The following FBXO34 variants were observed in gnomAD, a reference collection of about 807,000 sequenced individuals.
FBXO34 encodes F-box protein 34.
A neutral mutation model predicts 24.5 loss-of-function variants in FBXO34; 12 were observed. That is an observed-to-expected ratio of 0.49 (90% CI 0.31 to 0.79). The LOEUF (loss-of-function observed/expected upper bound fraction) is 0.79, where lower values mean the gene tolerates loss of function less well. FBXO34 is among the 30% of genes least tolerant of loss of function. The pLI is 0.04. For synonymous variants in FBXO34, 320 were observed against 311.9 expected (o/e 1.03, Z -0.27); for missense variants, 823 against 857.7 (o/e 0.96, Z 0.51).
At chr14:55,409,631 C>T in the FBXO34 span, among the ~76,000 whole-genome samples, 2 of 151,808 alleles carry the variant, frequency 1.3e-5, no homozygotes, top group South Asian at 4.1e-4. Context: ...CTAAATACCA[C>T]TGCGAAGGTC....
the FBXO34 span, among the ~76,000 whole-genome samples, chr14:55,382,599 C>T: frequency 1.3e-5 from 2 of 152,174 alleles, no homozygotes; most frequent in African/African-American, 4.8e-5. Context: ...TCATGAGCTA[C>T]CGTGACCAGC....
rs201760112 is a variant in FBXO34 at position 55,331,739 on chromosome 14, ATGTGTG to A, written c.-10-18640_-10-18635del. ...TATGTATATATATATGTATATATATATGTGTGTATATATATATATATGTATATATAT... is the reference window on the plus strand; with the variant it reads ...TATGTATATATATATGTATATATATATATATATATATATATGTATATATAT... On this transcript the variant is annotated intron_variant, in intron 1 of 1. Coordinates refer to ENST00000313833, the MANE Select transcript of FBXO34 (RefSeq NM_017943.4). Among the ~76,000 whole-genome samples the A allele has an allele frequency of 9.1e-5, 4 of 44,096 alleles. 1 individual carries two copies. The African/African-American group carries it at 9.4e-4, about 10-fold the overall frequency. The allele number at this position is 44,096 out of a possible 152,430, so 28.9% of individuals were successfully genotyped here. A position where few individuals can be genotyped will look rare whatever the true frequency, so the allele number is the denominator to read the frequency against.
At chr14:55,397,471 C>A in the FBXO34 span, 3 of 1,528,928 alleles carry the variant, frequency 2.0e-6, no homozygotes, top group South Asian at 2.3e-5. Flanking sequence ...TTTAAATGGT[C>A]ATTTTTTCAG....
chr14:55,428,718 T>A, the FBXO34 span: 5 of 1,350,058 alleles, frequency 3.7e-6, no homozygotes, highest in African/African-American at 2.9e-5. Flanking sequence ...TTAATCACAA[T>A]TTCTCTGAAA....
downstream of FBXO34, chr14:55,368,350 G>A (rs1884731800): frequency 6.6e-6 from 1 of 152,406 alleles, no homozygotes; most frequent in Admixed American, 6.5e-5. Flanking sequence ...CTCCCGAGTA[G>A]CTGGGATTAC....
intron 1 of FBXO34, chr14:55,282,414 T>C (rs1453098597): frequency 1.3e-5 from 4 of 317,578 alleles, no homozygotes; most frequent in Non-Finnish European, 2.6e-5. Context: ...TGGACCACGA[T>C]AGGCCCTGCT....
At chr14:55,417,225 C>T in the FBXO34 span, among the ~76,000 whole-genome samples, 10 of 152,070 alleles carry the variant, frequency 6.6e-5, no homozygotes, top group Non-Finnish European at 2.9e-5. Context: ...TGCGTGTAAC[C>T]GGTGTTCCTT....
the FBXO34 span, among the ~76,000 whole-genome samples, chr14:55,437,816 T>C: frequency 1.9e-3 from 292 of 152,378 alleles, 2 homozygotes; most frequent in African/African-American, 6.8e-3. Context: ...TAAAGACCCA[T>C]GGTTATTCCT....
chr14:55,288,106 C>T (rs1425912568), intron 1 of FBXO34, among the ~76,000 whole-genome samples: 1 of 152,034 alleles, frequency 6.6e-6, no homozygotes, highest in Admixed American at 6.6e-5. Flanking sequence ...AATGATGTCT[C>T]CTTTGTGGGT....
chr14:55,294,726 A>G (rs1362946475), intron 1 of FBXO34, among the ~76,000 whole-genome samples: 2 of 152,216 alleles, frequency 1.3e-5, no homozygotes, highest in African/African-American at 4.8e-5. Flanking sequence ...GGGCAAACAC[A>G]GCTGTGCTAA....
At chr14:55,291,061 A>G (rs1176481566) in intron 1 of FBXO34, among the ~76,000 whole-genome samples, 1 of 151,996 alleles carries the variant, frequency 6.6e-6, no homozygotes, top group Non-Finnish European at 1.5e-5. Flanking sequence ...TCCTGACCTT[A>G]AGTGATCCTC....
chr14:55,300,795 C>G (rs567184588), intron 1 of FBXO34, among the ~76,000 whole-genome samples: 1 of 152,268 alleles, frequency 6.6e-6, no homozygotes, highest in East Asian at 1.9e-4. Flanking sequence ...AATGAAATGT[C>G]GGTCATTTTC....
At chr14:55,314,573 A>G (rs981845351) in intron 1 of FBXO34, among the ~76,000 whole-genome samples, 1 of 152,222 alleles carries the variant, frequency 6.6e-6, no homozygotes, top group Admixed American at 6.5e-5. Context: ...TAAGGGAGTT[A>G]CAGATGATTT....
the FBXO34 span, among the ~76,000 whole-genome samples, chr14:55,405,537 A>G: frequency 6.6e-6 from 1 of 152,222 alleles, no homozygotes; most frequent in African/African-American, 2.4e-5. Flanking sequence ...CTAAACCAGC[A>G]GATACATTTC....
At chr14:55,379,816 G>C in the FBXO34 span, among the ~76,000 whole-genome samples, 1 of 152,156 alleles carries the variant, frequency 6.6e-6, no homozygotes, top group Admixed American at 6.5e-5. Context: ...TCCAGCTCCC[G>C]GATTCAAGCG....
chr14:55,410,989 C>T, the FBXO34 span, among the ~76,000 whole-genome samples: 4 of 152,306 alleles, frequency 2.6e-5, no homozygotes, highest in African/African-American at 7.2e-5. Context: ...AAGCATGCAG[C>T]TCCCAATCTG....
intron 1 of FBXO34, among the ~76,000 whole-genome samples, chr14:55,322,956 G>A (rs1345808631): frequency 1.4e-5 from 2 of 144,512 alleles, no homozygotes; most frequent in Admixed American, 6.9e-5. Context: ...GGCGGATCAC[G>A]AGGTCAGGAG....
the FBXO34 span, among the ~76,000 whole-genome samples, chr14:55,432,455 C>A: frequency 1.3e-4 from 16 of 126,386 alleles, no homozygotes; most frequent in Non-Finnish European, 2.5e-4. Flanking sequence ...AAAAAAAACA[C>A]CATAAAATAC....
chr14:55,375,223 A>G, the FBXO34 span, among the ~76,000 whole-genome samples: 2 of 152,252 alleles, frequency 1.3e-5, no homozygotes, highest in Non-Finnish European at 2.9e-5. Context: ...GATCACTGCT[A>G]TGGAATTTAT....
Sources: allele counts gnomAD v4.1 joint callset (sites outside exome capture counted in the v4.1 genomes callset), GRCh38; gene constraint gnomAD v4.1.1; transcripts MANE v1.5; gene names NCBI Gene and HGNC (gene_info 2026-07-23, HGNC 2026-07-21).